Variants in LRRCC1 observed in about 807,000 individuals in gnomAD.
LRRCC1 encodes the protein leucine-rich repeat and coiled-coil domain-containing protein 1.
LRRCC1 carries 115 observed loss-of-function variants against 126.0 expected under a neutral mutation model. That is an observed-to-expected ratio of 0.91 (90% CI 0.78 to 1.07). The LOEUF (loss-of-function observed/expected upper bound fraction) is 1.07. Among genes scored for constraint, LRRCC1 ranks in the 50% least tolerant of loss-of-function variants. The pLI is 0.00. For synonymous variants in LRRCC1, 400 were observed against 393.4 expected, an observed-to-expected ratio of 1.02 and a Z score of -0.20; for missense variants, 1,172 against 1,175.7, an observed-to-expected ratio of 1.00 and a Z score of 0.05.
At chr8:85,133,206 C>T (rs1642657111) in intron 12 of LRRCC1, among the ~76,000 whole-genome samples, 1 of 152,202 alleles carries the variant, frequency 6.6e-6, no homozygotes, top group African/African-American at 2.4e-5. Flanking sequence ...TTGTCCTCAT[C>T]TGATTTGACC....
At chr8:85,144,475 T>TATA (rs1491404128) in intron 18 of LRRCC1, among the ~76,000 whole-genome samples, 14 of 26,580 alleles carry the variant, frequency 5.3e-4, no homozygotes, top group African/African-American at 1.7e-3. Context: ...TATATATATA[T>TATA]TTTTTTTTTT....
At chr8:85,119,255 T>A (rs534119455) in intron 6 of LRRCC1, among the ~76,000 whole-genome samples, 1 of 152,134 alleles carries the variant, frequency 6.6e-6, no homozygotes, top group Non-Finnish European at 1.5e-5. Flanking sequence ...TCCCTTATTA[T>A]ACTTTTAATT....
At chr8:85,113,708 C>T (rs1385160373) in intron 4 of LRRCC1, among the ~76,000 whole-genome samples, 10 of 151,894 alleles carry the variant, frequency 6.6e-5, no homozygotes, top group African/African-American at 2.2e-4. Flanking sequence ...ATGTTCCTTT[C>T]GAATTTCATA....
At chr8:85,119,186 C>T (rs1809335597) in intron 6 of LRRCC1, among the ~76,000 whole-genome samples, 4 of 151,422 alleles carry the variant, frequency 2.6e-5, no homozygotes, top group Admixed American at 2.6e-4. Flanking sequence ...TTTGGGTAAG[C>T]TGTATTTTTC....
intron 6 of LRRCC1, among the ~76,000 whole-genome samples, chr8:85,121,029 A>T (rs937080091): frequency 1.3e-5 from 2 of 152,242 alleles, no homozygotes; most frequent in African/African-American, 4.8e-5. Flanking sequence ...TTCCAAAGTA[A>T]CTGCGCCATT....
chr8:85,129,352 A>T lies in LRRCC1; in HGVS notation c.1599A>T (p.Arg533Ser). The T allele has an allele frequency of 6.2e-7, 1 of 1,611,986 alleles. No individual in the cohort carries two copies. The highest frequency in any genetic ancestry group is 8.5e-7 in the Non-Finnish European group (1 of 1,179,544). ...TLEKTLEKME[R>S]QKRQQQAAQI... ...AAAAAACATTAGAAAAAATGGAGAGACAAAAAAGGCAGCAGCAGGCAGCAC... is the reference window on the plus strand; with the variant it reads ...AAAAAACATTAGAAAAAATGGAGAGTCAAAAAAGGCAGCAGCAGGCAGCAC... Residue 533 changes from arginine (R) to serine (S), a missense_variant, in exon 10 of 19, where the codon AGA becomes AGT. Transcript: ENST00000360375.
In LRRCC1 at chr8:85,109,742, C is replaced by T; in HGVS notation, c.252C>T (p.Asn84=). ...SNQISRIEGL[N]TLTKLCTLNL... is the part of the protein sequence containing the mutation. The stretch of plus-strand genomic sequence containing the variant: ...AAATAAGTAGAATTGAAGGACTAAA[C>T]ACACTGACAAAACTGTGCACATTAA... The change falls in exon 2 of 19, where the codon AAC becomes AAT. Residue 84 remains asparagine (N), a synonymous_variant. Coordinates refer to ENST00000360375, the MANE Select transcript of LRRCC1 (RefSeq NM_033402.5). The T allele has an allele frequency of 1.2e-6, 2 of 1,602,492 alleles. No homozygotes were observed. Among genetic ancestry groups the T allele is most frequent in the Non-Finnish European group, 1.7e-6 (2 of 1,170,946 alleles).
At chr8:85,132,446 G>A (rs1421392269) in intron 12 of LRRCC1, among the ~76,000 whole-genome samples, 2 of 142,734 alleles carry the variant, frequency 1.4e-5, no homozygotes, top group African/African-American at 2.7e-5. Flanking sequence ...CTGGAATGGT[G>A]CAGTGGCATG....
intron 17 of LRRCC1, among the ~76,000 whole-genome samples, chr8:85,140,469 T>C (rs912508142): frequency 6.6e-6 from 1 of 152,196 alleles, no homozygotes; most frequent in Non-Finnish European, 1.5e-5. Context: ...TCCTTATGTT[T>C]AATCTGTTAT....
chr8:85,136,780 G>T (rs1011463236), intron 14 of LRRCC1, among the ~76,000 whole-genome samples: 1 of 151,982 alleles, frequency 6.6e-6, no homozygotes, highest in Non-Finnish European at 1.5e-5. Flanking sequence ...GTTTTGTTTT[G>T]TTTTGTTTGC....
chr8:85,119,096 T>A (rs528942498), intron 6 of LRRCC1, among the ~76,000 whole-genome samples: 4 of 152,212 alleles, frequency 2.6e-5, no homozygotes, highest in African/African-American at 9.6e-5. Flanking sequence ...TAAATTTCTT[T>A]AATGAATTTC....
In LRRCC1 at chr8:85,134,938, C is replaced by G; in HGVS notation, c.2060C>G (p.Ser687Cys). Residue 687 changes from serine to cysteine, a missense_variant, in exon 13 of 19, where the codon TCT (serine) becomes TGT (cysteine). By Grantham distance (112) the Ser-to-Cys change is moderately radical (BLOSUM62 -1). Transcript: ENST00000360375. ...WAQRKENESS[S>C]LIKDLTCMVK... Reference sequence around the variant, plus strand: ...CAACGAAAAGAAAATGAGTCTTCCTCTTTAATTAAAGATCTGACCTGTATG... The same window carrying G: ...CAACGAAAAGAAAATGAGTCTTCCTGTTTAATTAAAGATCTGACCTGTATG... The G allele has an allele frequency of 1.3e-6, 2 of 1,596,064 alleles. No homozygotes were observed. The highest frequency in any genetic ancestry group is 1.7e-6 in the Non-Finnish European group (2 of 1,176,234).
intron 6 of LRRCC1, among the ~76,000 whole-genome samples, chr8:85,118,468 G>A (rs568668507): frequency 5.3e-5 from 8 of 152,014 alleles, no homozygotes; most frequent in African/African-American, 1.4e-4. Context: ...TTTTCAAAGT[G>A]GTTATTCTAT....
chr8:85,141,467 G>C lies in LRRCC1; in HGVS notation c.2926G>C (p.Ala976Pro). 2 of 1,613,262 alleles carry C rather than the reference G, an allele frequency of 1.2e-6. No individual in the cohort carries two copies. Among genetic ancestry groups the C allele is most frequent in the Non-Finnish European group, 1.7e-6 (2 of 1,179,572 alleles). The change falls in exon 18 of 19, where the codon GCA (alanine) becomes CCA (proline). Residue 976 changes from alanine to proline, a missense_variant. Coordinates refer to ENST00000360375, the MANE Select transcript of LRRCC1 (RefSeq NM_033402.5). ...TGTTGAAGCTCATCAAGCTGAAATA[G>C]CACAGCTGGCCAATGAAAAGCAGAA... The part of the protein sequence containing the change: ...AIVEAHQAEI[A>P]QLANEKQKCI...
intron 6 of LRRCC1, among the ~76,000 whole-genome samples, chr8:85,118,198 T>C (rs1809265911): frequency 6.6e-6 from 1 of 152,128 alleles, no homozygotes; most frequent in Non-Finnish European, 1.5e-5. Context: ...CATGCTATTA[T>C]GTATATCAGT....
chr8:85,141,213 CTACT>C (rs1199640205), intron 17 of LRRCC1, among the ~76,000 whole-genome samples, 165 bp from the exon 18 acceptor site: 2 of 152,104 alleles, frequency 1.3e-5, no homozygotes, highest in East Asian at 1.9e-4. Context: ...GGATGATGAA[CTACT>C]TACTTATATC....
rs138655256 is a variant in LRRCC1 at position 85,107,628 on chromosome 8, C to T, written c.104+229C>T. 2.3e-3 allele frequency: 986 copies of T among 425,650 alleles called. 3 individuals are homozygous for T. The highest frequency in any genetic ancestry group is 0.018 in the African/African-American group (884 of 49,564). 26.4% of individuals were successfully genotyped at this position (425,650 alleles called of 1,614,324 possible). A position where few individuals can be genotyped will look rare whatever the true frequency, so the allele number is the denominator to read the frequency against. On this transcript the variant is annotated intron_variant, in intron 1 of 18. Coordinates refer to ENST00000360375, the MANE Select transcript of LRRCC1 (RefSeq NM_033402.5). ...CGTGTCTCCTGCCCAGCGTTTCACA[C>T]GACTCTGCTTAGCCTAGAAACTGCC... is the stretch of plus-strand genomic sequence containing the variant.
Position 85,109,596 on chromosome 8 carries a change from A to G in LRRCC1, c.106A>G (p.Ile36Val), listed in dbSNP as rs1375821375. 1 of 1,559,418 alleles carries G rather than the reference A, an allele frequency of 6.4e-7. No homozygotes were observed. The highest frequency in any genetic ancestry group is 8.8e-7 in the Non-Finnish European group (1 of 1,138,362). ...TATAGTATATATTTTCTTTTATAGC[A>G]TATCAGAATTATCTTTAGATTCAAC... Reference protein sequence around the residue: ...VCFMDKGLQSISELSLDSTLH... With the variant: ...VCFMDKGLQSVSELSLDSTLH... Residue 36 changes from isoleucine to valine, a missense_variant and splice_region_variant, in exon 2 of 19, where the codon ATA (isoleucine) becomes GTA (valine). Coordinates refer to ENST00000360375, the MANE Select transcript of LRRCC1 (RefSeq NM_033402.5).
At position 85,124,855 on chromosome 8, in the gene LRRCC1, C is replaced by G. The variant is rs1244074828; in HGVS notation, c.1188C>G (p.Asn396Lys). 3.1e-6 allele frequency: 5 copies of G among 1,601,396 alleles called. No individual in the cohort carries two copies. Among genetic ancestry groups the G allele is most frequent in the Non-Finnish European group, 4.3e-6 (5 of 1,171,572 alleles). Residue 396 changes from asparagine to lysine, a missense_variant, in exon 8 of 19, where the codon AAC (asparagine) becomes AAG (lysine). Physicochemically the swap from Asn to Lys is moderately conservative, Grantham distance 94. Coordinates refer to ENST00000360375, the MANE Select transcript of LRRCC1 (RefSeq NM_033402.5). ...TATATGTAAGCTCATCTTTAGCAAA[C>G]TGTCCTATGTTACAAGAATCAGAAA... is the stretch of plus-strand genomic sequence containing the variant. ...KELYVSSSLANCPMLQESEKP... is the reference protein window; with the variant it reads ...KELYVSSSLAKCPMLQESEKP...
Sources: allele counts gnomAD v4.1 joint callset (sites outside exome capture counted in the v4.1 genomes callset), GRCh38; gene constraint gnomAD v4.1.1; transcripts MANE v1.5; gene names NCBI Gene and HGNC (gene_info 2026-07-23, HGNC 2026-07-21).